TCF20: variants seen among roughly 807,000 people sequenced by gnomAD.
TCF20 encodes SPRE-binding protein.
TCF20 carries 3 observed loss-of-function variants against 148.6 expected under a neutral mutation model. The observed-to-expected ratio is 0.02, with a 90% CI of 0.01 to 0.05. The LOEUF is 0.05. Among genes scored for constraint, TCF20 ranks in the 10% least tolerant of loss-of-function variants. TCF20 has a pLI of 1.00. For missense variants in TCF20, 2,350 were observed against 2,429.3 expected, an observed-to-expected ratio of 0.97 and a Z score of 0.69; for synonymous variants, 1,049 against 909.5, an observed-to-expected ratio of 1.15 and a Z score of -2.76.
chr22:42,193,883 C>G (rs1937466342), intron 2 of TCF20, among the ~76,000 whole-genome samples: 1 of 152,044 alleles, frequency 6.6e-6, no homozygotes, highest in Admixed American at 6.5e-5. Flanking sequence ...CTCCTTTGGG[C>G]CTTGTCTCTG....
At chr22:42,225,184 C>T (rs1332369424) in intron 1 of TCF20, among the ~76,000 whole-genome samples, 1 of 151,888 alleles carries the variant, frequency 6.6e-6, no homozygotes, top group Non-Finnish European at 1.5e-5. Context: ...TTAGTAGAGA[C>T]AGCATTTCGC....
chr22:42,212,711 T>A lies in TCF20; in HGVS notation c.2595A>T (p.Ser865=). 1 of 1,614,220 alleles carries A rather than the reference T, an allele frequency of 6.2e-7. No individual in the cohort carries two copies. Among genetic ancestry groups the A allele is most frequent in the Non-Finnish European group, 8.5e-7 (1 of 1,180,028 alleles). Reference sequence around the variant, plus strand: ...TTAGTGGAGAAATATCACAGATCACTGATCTTCTTTCAGAGAGGGAACCCC... The same window carrying A: ...TTAGTGGAGAAATATCACAGATCACAGATCTTCTTTCAGAGAGGGAACCCC... The part of the protein sequence containing the change: ...EPGGSLSERR[S]VICDISPLRQ... The change falls in exon 2 of 6, where the codon TCA becomes TCT. Residue 865 remains serine, a synonymous_variant. Coordinates refer to ENST00000677622, the MANE Select transcript of TCF20 (RefSeq NM_001378418.1).
At chr22:42,253,110 A>G (rs942511046) in intron 1 of TCF20, among the ~76,000 whole-genome samples, 15 of 152,214 alleles carry the variant, frequency 9.9e-5, no homozygotes, top group African/African-American at 3.6e-4. Context: ...TTATTCATTT[A>G]TAAGTGGCAA....
chr22:42,239,485 A>AT (rs1924199762), intron 1 of TCF20, among the ~76,000 whole-genome samples: 1 of 150,500 alleles, frequency 6.6e-6, no homozygotes, highest in Non-Finnish European at 1.5e-5. Context: ...TCAGAAAAAA[A>AT]AAAAAAGTTT....
In TCF20 at chr22:42,168,927, T is replaced by TA. The variant is rs201879144; in HGVS notation, c.5800-192dup. On this transcript the variant is annotated intron_variant, in intron 4 of 5. Transcript: ENST00000677622. ...ATGTGACCCTTAAAAAGGGGAGTTC[T>TA]AAAAATAACATGCAAATTAAGTAAA... Among the ~76,000 whole-genome samples, 1,010 of 152,164 alleles carry TA rather than the reference T, an allele frequency of 6.6e-3. 16 individuals carry two copies. The highest frequency in any genetic ancestry group is 0.023 in the African/African-American group (955 of 41,494).
intron 1 of TCF20, among the ~76,000 whole-genome samples, chr22:42,256,356 TTC>T (rs1925741816): frequency 6.6e-6 from 1 of 151,972 alleles, no homozygotes; most frequent in Admixed American, 6.5e-5. Context: ...AACAGAAATT[TTC>T]TTTTTTCTTT....
intron 2 of TCF20, among the ~76,000 whole-genome samples, chr22:42,185,101 T>G (rs1291839192): frequency 6.6e-6 from 1 of 152,218 alleles, no homozygotes; most frequent in Non-Finnish European, 1.5e-5. Context: ...AACAGCAACC[T>G]GAATCATCAT....
exon 1 of TCF20, chr22:42,343,528 G>C (rs1258759681): frequency 6.8e-6 from 1 of 147,088 alleles, no homozygotes; most frequent in African/African-American, 2.5e-5. Context: ...CCCGGGCAGC[G>C]GGGCCGGGCT....
intron 1 of TCF20, among the ~76,000 whole-genome samples, chr22:42,309,091 C>G (rs1204185151): frequency 1.3e-5 from 2 of 152,088 alleles, no homozygotes; most frequent in Non-Finnish European, 2.9e-5. Context: ...CGGCCGGCCA[C>G]AGAGAGGCTG....
At position 42,236,684 on chromosome 22, in the gene TCF20, T is replaced by G. The variant is rs1017035213; in HGVS notation, c.-36-21343A>C. 2.0e-5 allele frequency among the ~76,000 whole-genome samples: 3 copies of G among 152,064 alleles called. No homozygotes were observed. In the East Asian group the frequency reaches 5.8e-4, roughly 29 times the overall value. On this transcript the variant is annotated intron_variant, in intron 1 of 5. Transcript: ENST00000677622. Reference sequence around the variant, plus strand: ...ATCCTAAATTTTGAAAATAAAAAAGTCAAAGAGACACAAACATTCTATGAA... The same window carrying G: ...ATCCTAAATTTTGAAAATAAAAAAGGCAAAGAGACACAAACATTCTATGAA...
intron 1 of TCF20, among the ~76,000 whole-genome samples, chr22:42,249,921 T>C (rs1382901748): frequency 6.6e-6 from 1 of 152,164 alleles, no homozygotes; most frequent in Middle Eastern, 3.2e-3. Context: ...AGAAGTGCAT[T>C]ATCACAACAC....
At chr22:42,232,865 A>G (rs958146019) in intron 1 of TCF20, among the ~76,000 whole-genome samples, 5 of 152,150 alleles carry the variant, frequency 3.3e-5, no homozygotes, top group African/African-American at 1.2e-4. Context: ...ATAAAATTTA[A>G]AAGAAAACAA....
At chr22:42,305,978 T>G (rs2157295) in intron 1 of TCF20, among the ~76,000 whole-genome samples, 91,755 of 152,122 alleles carry the variant, frequency 0.6, 27,905 homozygotes, top group South Asian at 0.72. Flanking sequence ...AAGGCTGGCA[T>G]TGGCTGAGCC....
At chr22:42,287,405 T>C (rs1309091085), upstream of TCF20, among the ~76,000 whole-genome samples, 3 of 152,194 alleles carry the variant, frequency 2.0e-5, no homozygotes, top group African/African-American at 7.2e-5. Flanking sequence ...GTCACACCAC[T>C]AACAAAGAGC....
intron 1 of TCF20, among the ~76,000 whole-genome samples, chr22:42,237,970 T>C (rs1924030739): frequency 6.6e-6 from 1 of 152,214 alleles, no homozygotes; most frequent in South Asian, 2.1e-4. Context: ...GAATGGTAAA[T>C]GAGCACTGGC....
rs1224337328 is a variant in TCF20 at position 42,324,121 on chromosome 22, GTTA to G, written c.-37+19355_-37+19357del. Among the ~76,000 whole-genome samples the G allele has an allele frequency of 2.5e-4, 16 of 64,888 alleles. 1 individual carries two copies. The highest frequency in any genetic ancestry group is 4.0e-4 in the African/African-American group (5 of 12,490). The allele number at this position is 64,888 out of a possible 152,430, so 42.6% of individuals were successfully genotyped here. A position where few individuals can be genotyped will look rare whatever the true frequency, so the allele number is the denominator to read the frequency against. ...GGTTATGGTGGTGGTGGTGGTGGTGGTTATGGTGGTGGTGGTGGTGGTGGTGAT... is the reference window on the plus strand; with the variant it reads ...GGTTATGGTGGTGGTGGTGGTGGTGGTGGTGGTGGTGGTGGTGGTGGTGAT... On this transcript the variant is annotated intron_variant, in intron 1 of 1. Coordinates refer to the TCF20 transcript ENST00000515426.
intron 1 of TCF20, among the ~76,000 whole-genome samples, chr22:42,336,510 C>T (rs1481262922): frequency 6.6e-6 from 1 of 152,078 alleles, no homozygotes; most frequent in East Asian, 1.9e-4. Flanking sequence ...ACTCTCCCAG[C>T]TCCAGCCCCA....
chr22:42,292,212 A>T lies in TCF20; in HGVS notation c.-37+51267T>A, dbSNP rs1927145914. Among the ~76,000 whole-genome samples the T allele has an allele frequency of 6.6e-6, 1 of 152,068 alleles. No homozygotes were observed. Among genetic ancestry groups the T allele is most frequent in the Non-Finnish European group, 1.5e-5 (1 of 68,000 alleles). ...GGTATGGACGAGGGTCAGCACCCCC[A>T]TTTTGCAAGAAGAAAGCTCACCCAG... On this transcript the variant is annotated intron_variant, in intron 1 of 1. Coordinates refer to the TCF20 transcript ENST00000515426. The surrounding 1 kb of genome is among the most constrained non-coding windows in gnomAD (Gnocchi z 4.9).
chr22:42,335,795 C>A (rs553126583), intron 1 of TCF20, among the ~76,000 whole-genome samples: 1 of 152,178 alleles, frequency 6.6e-6, no homozygotes, highest in African/African-American at 2.4e-5. Context: ...GACAGGGAGC[C>A]CTTCAGGGTG....
Sources: gnomAD v4.1 joint callset for allele counts (sites outside exome capture counted in the v4.1 genomes callset) on GRCh38, gnomAD v4.1.1 for gene constraint, Gnocchi (gnomAD v3.1) non-coding constraint, MANE v1.5 for transcripts, NCBI Gene and HGNC (gene_info 2026-07-23, HGNC 2026-07-21) for gene names.